Variants in KAZN observed in about 807,000 individuals in gnomAD.
KAZN encodes the protein kazrin, periplakin interacting protein.
KAZN carries 40 observed loss-of-function variants against 87.4 expected under a neutral mutation model. The observed-to-expected ratio is 0.46, with a 90% CI of 0.36 to 0.60. The LOEUF (loss-of-function observed/expected upper bound fraction) is 0.60. Ranked by LOEUF, KAZN falls within the 20% of genes least tolerant of loss-of-function variation. KAZN has a pLI of 0.00. For missense variants in KAZN, 898 were observed against 1,073.9 expected (o/e 0.84, Z 2.29); for synonymous variants, 466 against 458.3 (o/e 1.02, Z -0.22).
Position 15,047,713 on chromosome 1 carries a change from C to G in KAZN, c.726+3554C>G, listed in dbSNP as rs142024208. On this transcript the variant is annotated intron_variant, in intron 4 of 14. Coordinates refer to ENST00000376030, the MANE Select transcript of KAZN (RefSeq NM_201628.3). ...TTGAACCCAGAAGGCAGAGGTTGCACTGAGCCAAAATCGCACCACTGCACT... is the reference window on the plus strand; with the variant it reads ...TTGAACCCAGAAGGCAGAGGTTGCAGTGAGCCAAAATCGCACCACTGCACT... Among the ~76,000 whole-genome samples, 920 of 152,126 alleles carry G rather than the reference C, an allele frequency of 6.0e-3. 7 individuals are homozygous for G. Among genetic ancestry groups the G allele is most frequent in the South Asian group, 0.042 (201 of 4,814 alleles).
chr1:13,989,622 A>G (rs1346722127), intron 1 of KAZN, among the ~76,000 whole-genome samples: 6 of 152,194 alleles, frequency 3.9e-5, no homozygotes, highest in Non-Finnish European at 5.9e-5. Context: ...TACTCTATGT[A>G]GTATTCTAGG....
intron 13 of KAZN, among the ~76,000 whole-genome samples, 196 bp downstream of exon 13, chr1:15,104,385 T>C (rs929145492): frequency 1.3e-5 from 2 of 152,210 alleles, no homozygotes; most frequent in African/African-American, 4.8e-5. Context: ...CTGAAGGTCA[T>C]AGACTAGAAA....
chr1:14,990,376 C>T (rs1237326777), intron 2 of KAZN, among the ~76,000 whole-genome samples: 1 of 152,150 alleles, frequency 6.6e-6, no homozygotes, highest in African/African-American at 2.4e-5. Flanking sequence ...GCATGTACCA[C>T]CATGCCCAGC....
At chr1:14,121,815 G>A (rs991399379) in intron 1 of KAZN, among the ~76,000 whole-genome samples, 6 of 152,208 alleles carry the variant, frequency 3.9e-5, no homozygotes, top group Non-Finnish European at 8.8e-5. Context: ...GTGAGAATAA[G>A]CCTCTTTGAG....
chr1:15,043,255 C>T (rs1286344646), intron 3 of KAZN, among the ~76,000 whole-genome samples: 5 of 152,218 alleles, frequency 3.3e-5, no homozygotes, highest in Non-Finnish European at 2.9e-5. Flanking sequence ...GACCCTGTTT[C>T]CCTGTGATGA....
At chr1:14,987,773 A>T (rs1259266317) in intron 2 of KAZN, among the ~76,000 whole-genome samples, 2 of 152,208 alleles carry the variant, frequency 1.3e-5, no homozygotes. Flanking sequence ...CGGGGAAGCC[A>T]CTTGATCGGA....
chr1:14,844,485 C>A (rs1648440787), intron 1 of KAZN, among the ~76,000 whole-genome samples: 1 of 152,230 alleles, frequency 6.6e-6, no homozygotes, highest in Admixed American at 6.5e-5. Flanking sequence ...CTCAGCTCCA[C>A]TTTACAAAAT....
At chr1:14,438,303 G>A (rs921905399) in intron 2 of KAZN, among the ~76,000 whole-genome samples, 6 of 152,160 alleles carry the variant, frequency 3.9e-5, no homozygotes, top group Admixed American at 1.3e-4. Flanking sequence ...AGCAAAACAC[G>A]CTAAACAAAC....
chr1:14,142,932 T>C (rs1437825491), intron 1 of KAZN, among the ~76,000 whole-genome samples: 2 of 152,192 alleles, frequency 1.3e-5, no homozygotes, highest in Non-Finnish European at 2.9e-5. Flanking sequence ...TTTACTGGCT[T>C]CCTGCTGGAC....
rs562842103 is a variant in KAZN at position 14,077,220 on chromosome 1, G to A, written c.92-103215G>A. Among the ~76,000 whole-genome samples, 9 of 152,198 alleles carry A rather than the reference G, an allele frequency of 5.9e-5. No individual in the cohort carries two copies. The East Asian group carries it at 9.7e-4, about 16-fold the overall frequency. On this transcript the variant is annotated intron_variant, in intron 1 of 16. Transcript: ENST00000636203. ...GACAGTTCTTTGATCCCAGGTGTTC[G>A]TTCTGCTATTGGCTTGCCACTGTCA...
chr1:14,417,993 C>CAAAAAAAAAAA (rs58803467), intron 2 of KAZN, among the ~76,000 whole-genome samples: 4 of 33,812 alleles, frequency 1.2e-4, no homozygotes, highest in Non-Finnish European at 2.2e-4. Flanking sequence ...GAGACTGCCT[C>CAAAAAAAAAAA]AAAAAAAAAA....
chr1:14,206,616 T>C (rs1646750647), intron 2 of KAZN, among the ~76,000 whole-genome samples: 1 of 152,158 alleles, frequency 6.6e-6, no homozygotes. Flanking sequence ...TCTTTTAGTT[T>C]TTATAACATT....
intron 1 of KAZN, among the ~76,000 whole-genome samples, chr1:14,146,256 C>T (rs1407900016): frequency 6.6e-6 from 1 of 151,660 alleles, no homozygotes; most frequent in African/African-American, 2.4e-5. Context: ...GATGTGGGGC[C>T]AGGCACGGTG....
chr1:14,753,365 ACTGGTGGGGTTTTAT>A (rs1644466313), intron 1 of KAZN, among the ~76,000 whole-genome samples: 1 of 152,170 alleles, frequency 6.6e-6, no homozygotes, highest in Non-Finnish European at 1.5e-5. Context: ...ACAAGGTGAC[ACTGGTGGGGTTTTAT>A]CTGGGGAGGA....
intron 1 of KAZN, among the ~76,000 whole-genome samples, chr1:14,012,544 G>A (rs1250529493): frequency 6.6e-6 from 1 of 152,200 alleles, no homozygotes; most frequent in Non-Finnish European, 1.5e-5. Flanking sequence ...GCTGGGCAAG[G>A]TGGCTCACAC....
intron 1 of KAZN, among the ~76,000 whole-genome samples, chr1:14,929,352 G>A (rs767497438): frequency 3.3e-5 from 5 of 152,172 alleles, no homozygotes; most frequent in African/African-American, 7.2e-5. Flanking sequence ...GAGTCATCAC[G>A]AAATCTCCAT....
intron 2 of KAZN, among the ~76,000 whole-genome samples, chr1:14,526,647 T>G (rs1421473322): frequency 6.6e-6 from 1 of 152,236 alleles, no homozygotes; most frequent in Non-Finnish European, 1.5e-5. Flanking sequence ...TCAGCCATTT[T>G]CCAGTTTCAT....
At chr1:14,882,455 G>A (rs1653447620) in intron 1 of KAZN, among the ~76,000 whole-genome samples, 1 of 152,178 alleles carries the variant, frequency 6.6e-6, no homozygotes, top group Non-Finnish European at 1.5e-5. Flanking sequence ...GTAGTAGGGG[G>A]ACTGGTCCAT....
intron 2 of KAZN, among the ~76,000 whole-genome samples, chr1:14,388,329 T>C (rs1311767314): frequency 6.6e-6 from 1 of 152,214 alleles, no homozygotes; most frequent in African/African-American, 2.4e-5. Context: ...TCAGACATCT[T>C]GGCTCTTCCC....
Sources: allele counts gnomAD v4.1 joint callset (sites outside exome capture counted in the v4.1 genomes callset), GRCh38; gene constraint gnomAD v4.1.1; transcripts MANE v1.5; gene names NCBI Gene and HGNC (gene_info 2026-07-23, HGNC 2026-07-21).